The following SUGCT variants were observed in gnomAD, a reference collection of about 807,000 sequenced individuals.
The protein encoded by SUGCT is succinyl-CoA:glutarate CoA-transferase.
SUGCT carries 41 observed loss-of-function variants against 55.0 expected under a neutral mutation model. That is an observed-to-expected ratio of 0.74 (90% CI 0.58 to 0.97). SUGCT has a LOEUF of 0.97. Ranked by LOEUF, SUGCT falls within the 50% of genes least tolerant of loss-of-function variation. The pLI is 0.00. For synonymous variants in SUGCT, 187 were observed against 200.4 expected, an observed-to-expected ratio of 0.93 and a Z score of 0.56; for missense variants, 568 against 547.8, an observed-to-expected ratio of 1.04 and a Z score of -0.37.
At chr7:40,952,859 A>G in the SUGCT span, among the ~76,000 whole-genome samples, 7 of 152,258 alleles carry the variant, frequency 4.6e-5, no homozygotes, top group South Asian at 2.1e-4. Flanking sequence ...TGGGTAACCC[A>G]ACCTTTCTCT....
chr7:40,871,696 A>T, the SUGCT span, among the ~76,000 whole-genome samples: 1 of 115,974 alleles, frequency 8.6e-6, no homozygotes, highest in Non-Finnish European at 1.7e-5. Flanking sequence ...AGTGAGCCTC[A>T]CCCTCTGGTA....
chr7:40,880,186 T>C, the SUGCT span, among the ~76,000 whole-genome samples: 1 of 152,220 alleles, frequency 6.6e-6, no homozygotes, highest in Non-Finnish European at 1.5e-5. Context: ...CATGGTATTG[T>C]TTGATTTATT....
At chr7:40,814,575 T>C (rs1379018479) in intron 13 of SUGCT, among the ~76,000 whole-genome samples, 1 of 151,896 alleles carries the variant, frequency 6.6e-6, no homozygotes, top group East Asian at 1.9e-4. Flanking sequence ...TTTAAAGATG[T>C]TTACCTCTTC....
At chr7:40,877,978 C>A in the SUGCT span, among the ~76,000 whole-genome samples, 3 of 152,188 alleles carry the variant, frequency 2.0e-5, no homozygotes, top group Admixed American at 2.0e-4. Flanking sequence ...TCAGATACTT[C>A]CCACTTCTAG....
At chr7:40,363,524 G>A (rs898195107) in intron 9 of SUGCT, among the ~76,000 whole-genome samples, 25 of 152,078 alleles carry the variant, frequency 1.6e-4, no homozygotes, top group Middle Eastern at 3.4e-3. Context: ...CTTTGTTCTC[G>A]CTGGTTTCAA....
chr7:40,345,430 A>G (rs901510674), intron 9 of SUGCT, among the ~76,000 whole-genome samples: 1 of 152,210 alleles, frequency 6.6e-6, no homozygotes, highest in Non-Finnish European at 1.5e-5. Context: ...ATATAGTGCC[A>G]TACTGAAACA....
At chr7:40,388,160 G>A (rs1278328765) in intron 9 of SUGCT, 5 of 152,142 alleles carry the variant, frequency 3.3e-5, no homozygotes. Flanking sequence ...CTGAAAAAAT[G>A]AATCTTTGTC....
intron 13 of SUGCT, among the ~76,000 whole-genome samples, chr7:40,817,883 A>G (rs1426198610): frequency 1.3e-5 from 2 of 152,218 alleles, no homozygotes; most frequent in East Asian, 1.9e-4. Context: ...AGAAGGAGGT[A>G]GTGATCTGCA....
At chr7:40,517,145 G>C (rs917213484) in intron 12 of SUGCT, among the ~76,000 whole-genome samples, 1 of 149,200 alleles carries the variant, frequency 6.7e-6, no homozygotes, top group Non-Finnish European at 1.5e-5. Context: ...TTTAATTGCT[G>C]TTACATAGAA....
At chr7:40,748,022 A>C (rs951373108) in intron 12 of SUGCT, among the ~76,000 whole-genome samples, 15 of 152,046 alleles carry the variant, frequency 9.9e-5, no homozygotes, top group African/African-American at 3.4e-4. Flanking sequence ...TTCAGCATCA[A>C]GTCACATTTC....
At chr7:40,207,035 T>TA (rs1247030183) in intron 6 of SUGCT, among the ~76,000 whole-genome samples, 1 of 151,600 alleles carries the variant, frequency 6.6e-6, no homozygotes, top group Non-Finnish European at 1.5e-5. Context: ...TCTGACTCTA[T>TA]AAAAAATAAA....
chr7:40,213,623 T>G (rs1054081598), intron 6 of SUGCT, among the ~76,000 whole-genome samples: 8 of 152,220 alleles, frequency 5.3e-5, no homozygotes, highest in African/African-American at 1.9e-4. Context: ...GGAATGAAGC[T>G]TCACCTCCTG....
intron 12 of SUGCT, among the ~76,000 whole-genome samples, chr7:40,580,105 A>G (rs998651733): frequency 2.0e-5 from 3 of 152,212 alleles, no homozygotes; most frequent in African/African-American, 7.2e-5. Context: ...TGTTTCATCT[A>G]GAGCTTTGTT....
chr7:40,921,948 A>G, the SUGCT span, among the ~76,000 whole-genome samples: 6 of 152,342 alleles, frequency 3.9e-5, no homozygotes, highest in Admixed American at 3.9e-4. Context: ...GAGAAGTTGC[A>G]TATATCCATA....
At chr7:40,875,972 A>G in the SUGCT span, among the ~76,000 whole-genome samples, 5 of 152,354 alleles carry the variant, frequency 3.3e-5, no homozygotes, top group South Asian at 1.0e-3. Context: ...GACAGAGAGA[A>G]GCTTTGGAAT....
intron 12 of SUGCT, among the ~76,000 whole-genome samples, chr7:40,690,751 A>AT (rs1784659196): frequency 6.6e-6 from 1 of 151,770 alleles, no homozygotes; most frequent in Admixed American, 6.6e-5. Context: ...TAATTTTTGT[A>AT]TTTTTTTGTA....
At chr7:40,372,736 A>G (rs527932403) in intron 9 of SUGCT, among the ~76,000 whole-genome samples, 58 of 152,222 alleles carry the variant, frequency 3.8e-4, no homozygotes, top group South Asian at 3.7e-3. Flanking sequence ...TAAAGATCAC[A>G]GAGAATGTTC....
At chr7:40,319,414 A>G (rs1467480803) in intron 9 of SUGCT, among the ~76,000 whole-genome samples, 2 of 152,178 alleles carry the variant, frequency 1.3e-5, no homozygotes, top group African/African-American at 2.4e-5. Context: ...ATGCCAGGAT[A>G]ATTATAATTT....
At chr7:40,688,216 A>G (rs190402371) in intron 12 of SUGCT, among the ~76,000 whole-genome samples, 56 of 152,274 alleles carry the variant, frequency 3.7e-4, no homozygotes, top group African/African-American at 1.3e-3. Flanking sequence ...CCATGTGACA[A>G]TGTTGCAGTT....
Sources: allele counts gnomAD v4.1 joint callset (sites outside exome capture counted in the v4.1 genomes callset), GRCh38; gene constraint gnomAD v4.1.1; transcripts MANE v1.5; gene names NCBI Gene and HGNC (gene_info 2026-07-23, HGNC 2026-07-21).